The following TMBIM6 variants were observed in gnomAD, a reference collection of about 807,000 sequenced individuals.
The protein encoded by TMBIM6 is bax inhibitor 1.
In TMBIM6, 13 loss-of-function variants were observed where a neutral mutation model predicts 31.4. The ratio of observed to expected loss-of-function variants is 0.41; its 90% CI spans 0.27 to 0.66. The LOEUF is 0.66. Ranked by LOEUF, TMBIM6 falls within the 30% of genes least tolerant of loss-of-function variation. TMBIM6 has a pLI of 0.28. For synonymous variants in TMBIM6, 85 were observed against 101.7 expected (o/e 0.84, Z 0.99); for missense variants, 275 against 289.5 (o/e 0.95, Z 0.36).
chr12:49,759,041 C>A, intron 7 of TMBIM6, 180 bp from the exon 8 acceptor site: 1 of 635,380 alleles, frequency 1.6e-6, no homozygotes, highest in Middle Eastern at 4.2e-4. Context: ...GTGACCAGTG[C>A]AGTATTGTGC....
At chr12:49,742,439 A>G (rs1181022751) in intron 1 of TMBIM6, 5 of 1,038,730 alleles carry the variant, frequency 4.8e-6, no homozygotes, top group Non-Finnish European at 6.6e-6. Flanking sequence ...TGAGTGTAGA[A>G]TTACTACCCG....
intron 1 of TMBIM6, among the ~76,000 whole-genome samples, chr12:49,743,242 A>T (rs1382542564): frequency 6.8e-6 from 1 of 146,212 alleles, no homozygotes; most frequent in African/African-American, 2.7e-5. Context: ...TATTATTATT[A>T]TGTTTTTTTT....
chr12:49,748,560 G>A (rs1455200620), intron 1 of TMBIM6, among the ~76,000 whole-genome samples: 1 of 152,220 alleles, frequency 6.6e-6, no homozygotes, highest in Non-Finnish European at 1.5e-5. Context: ...TTAGCAGTAT[G>A]TGCATGACAT....
At chr12:49,752,368 A>G (rs1945509766) in intron 1 of TMBIM6, 96 bp from the exon 2 acceptor site, 1 of 875,576 alleles carries the variant, frequency 1.1e-6, no homozygotes, top group Non-Finnish European at 1.7e-6. Context: ...GCAAGTTTTC[A>G]TCTTTCTGAA....
chr12:49,746,173 C>T (rs1054814878), intron 1 of TMBIM6, among the ~76,000 whole-genome samples: 2 of 151,640 alleles, frequency 1.3e-5, no homozygotes, highest in Admixed American at 6.6e-5. Context: ...ACCTCCGCCT[C>T]CTGGGTTCAA....
intron 1 of TMBIM6, chr12:49,741,914 C>T (rs934735771): frequency 1.2e-4 from 82 of 679,038 alleles, no homozygotes; most frequent in Middle Eastern, 4.2e-4. Flanking sequence ...CTTCTCAGCC[C>T]GCCTTTTCCT....
Position 49,752,569 on chromosome 12 carries a change from C to G in TMBIM6, c.56+20C>G, listed in dbSNP as rs1335330268. ...TCATATGTAAGTGTTTTGACCTTGA[C>G]TGGTTTTGTACTGCATTTCTTTTCA... On this transcript the variant is annotated intron_variant, in intron 2 of 9. Coordinates refer to ENST00000267115, the MANE Select transcript of TMBIM6 (RefSeq NM_003217.3). 6.3e-7 allele frequency: 1 copy of G among 1,588,802 alleles called. No individual in the cohort carries two copies. Among genetic ancestry groups the G allele is most frequent in the African/African-American group, 1.3e-5 (1 of 74,360 alleles).
chr12:49,743,502 T>C (rs1159260757), intron 1 of TMBIM6: 1 of 152,144 alleles, frequency 6.6e-6, no homozygotes, highest in East Asian at 1.9e-4. Context: ...CCCAAATTGC[T>C]AGGATTACAG....
rs1048201554 is a variant in TMBIM6 at position 49,758,291 on chromosome 12, G to C, written c.335+16G>C. ...TCAACCCCAGGTAACTCTTTTGGTA[G>C]TGTCTTATGTGCTTTTATCTTTATG... On this transcript the variant is annotated intron_variant, in intron 5 of 9. Transcript: ENST00000267115. 6.2e-7 allele frequency: 1 copy of C among 1,614,048 alleles called. No homozygotes were observed. The highest frequency in any genetic ancestry group is 8.5e-7 in the Non-Finnish European group (1 of 1,180,002).
intron 1 of TMBIM6, among the ~76,000 whole-genome samples, chr12:49,748,561 T>G (rs1363091608): frequency 6.6e-6 from 1 of 152,242 alleles, no homozygotes; most frequent in Admixed American, 6.5e-5. Context: ...TAGCAGTATG[T>G]GCATGACATG....
chr12:49,743,010 A>G (rs1945325750), intron 1 of TMBIM6, among the ~76,000 whole-genome samples: 1 of 129,964 alleles, frequency 7.7e-6, no homozygotes, highest in African/African-American at 2.9e-5. Context: ...TTTTTGAGGC[A>G]GAGTCTCACT....
chr12:49,755,098 C>T (rs1053839926), intron 3 of TMBIM6, among the ~76,000 whole-genome samples: 4 of 152,162 alleles, frequency 2.6e-5, no homozygotes, highest in African/African-American at 9.7e-5. Flanking sequence ...GCTGGGATTA[C>T]AGGCGTGTGC....
chr12:49,758,545 C>T (rs1945651301), intron 6 of TMBIM6, 65 bp downstream of exon 6: 2 of 1,564,108 alleles, frequency 1.3e-6, no homozygotes, highest in Non-Finnish European at 1.8e-6. Flanking sequence ...ACTAGTACTC[C>T]TTCCTTACCC....
At chr12:49,743,073 C>T (rs917124405) in intron 1 of TMBIM6, among the ~76,000 whole-genome samples, 3 of 149,064 alleles carry the variant, frequency 2.0e-5, no homozygotes, top group Admixed American at 6.8e-5. Flanking sequence ...GAACCTTGAC[C>T]TCTCCTGGCT....
chr12:49,758,701 T>C lies in TMBIM6; in HGVS notation c.452T>C (p.Leu151Pro). The C allele has an allele frequency of 2.5e-6, 4 of 1,613,968 alleles. No individual in the cohort carries two copies. Among genetic ancestry groups the C allele is most frequent in the Non-Finnish European group, 3.4e-6 (4 of 1,179,820 alleles). The change falls in exon 7 of 10, where the codon CTG becomes CCG. Residue 151 changes from leucine (L) to proline (P), a missense_variant. By Grantham distance (98) the Leu-to-Pro change is moderately conservative. Coordinates refer to ENST00000267115, the MANE Select transcript of TMBIM6 (RefSeq NM_003217.3). ...LFLGGILMSA[L>P]SLLLLSSLGN... Reference sequence around the variant, plus strand: ...CTTATAGGTATCTTGATGTCAGCCCTGAGCTTGTTGCTTTTGTCTTCCCTG... The same window carrying C: ...CTTATAGGTATCTTGATGTCAGCCCCGAGCTTGTTGCTTTTGTCTTCCCTG...
chr12:49,749,461 C>CT (rs1357783226), intron 1 of TMBIM6, among the ~76,000 whole-genome samples: 1 of 106,182 alleles, frequency 9.4e-6, no homozygotes, highest in African/African-American at 6.9e-5. Flanking sequence ...GAAACGGAGT[C>CT]TCGCTGTGTT....
chr12:49,752,145 T>G (rs1945505961), intron 1 of TMBIM6, among the ~76,000 whole-genome samples: 1 of 152,210 alleles, frequency 6.6e-6, no homozygotes, highest in Non-Finnish European at 1.5e-5. Context: ...TTAACTAGAT[T>G]GTTAATTGAG....
intron 1 of TMBIM6, chr12:49,742,075 C>T (rs1248178439): frequency 2.5e-6 from 4 of 1,569,906 alleles, no homozygotes; most frequent in South Asian, 1.2e-5. Context: ...GTCCTTTGGT[C>T]GGGCTGACCC....
At chr12:49,747,663 C>T (rs928844054) in intron 1 of TMBIM6, among the ~76,000 whole-genome samples, 6 of 152,126 alleles carry the variant, frequency 3.9e-5, no homozygotes, top group South Asian at 2.1e-4. Context: ...TTATTGTCTT[C>T]ATAATAAAAC....
Sources: allele counts gnomAD v4.1 joint callset (sites outside exome capture counted in the v4.1 genomes callset), GRCh38; gene constraint gnomAD v4.1.1; transcripts MANE v1.5; gene names NCBI Gene and HGNC (gene_info 2026-07-23, HGNC 2026-07-21).